Variants in NOL10 observed in about 807,000 individuals in gnomAD.
NOL10 encodes H_NH0074G24.1.
A neutral mutation model predicts 103.5 loss-of-function variants in NOL10; 58 were observed. That is an observed-to-expected ratio of 0.56 (90% CI 0.45 to 0.70). The LOEUF (loss-of-function observed/expected upper bound fraction) is 0.70, where lower values mean the gene tolerates loss of function less well. NOL10 is among the 30% of genes least tolerant of loss of function. NOL10 has a pLI of 0.00. For synonymous variants in NOL10, 287 were observed against 282.5 expected (o/e 1.02, Z -0.16); for missense variants, 763 against 807.3 (o/e 0.95, Z 0.67).
chr2:10,648,847 GAAGAA>G (rs1329188356), intron 12 of NOL10, among the ~76,000 whole-genome samples: 2 of 152,010 alleles, frequency 1.3e-5, no homozygotes, highest in Non-Finnish European at 2.9e-5. Flanking sequence ...ACGTCATGGA[GAAGAA>G]AAGAAAAAGA....
At chr2:10,662,038 T>C (rs1680244410) in intron 9 of NOL10, among the ~76,000 whole-genome samples, 1 of 152,174 alleles carries the variant, frequency 6.6e-6, no homozygotes, top group Admixed American at 6.5e-5. Context: ...GGCTCGCTTT[T>C]CCACTGACAG....
chr2:10,623,362 G>A (rs1443256096), intron 13 of NOL10, among the ~76,000 whole-genome samples: 1 of 152,104 alleles, frequency 6.6e-6, no homozygotes, highest in African/African-American at 2.4e-5. Flanking sequence ...GGGCTCGTGG[G>A]TCTTACTTCA....
At chr2:10,672,910 T>G (rs181598815) in intron 5 of NOL10, among the ~76,000 whole-genome samples, 101 of 152,196 alleles carry the variant, frequency 6.6e-4, no homozygotes, top group African/African-American at 2.3e-3. Context: ...GGAGAATCAC[T>G]TGAACTCGGG....
At chr2:10,603,949 C>T (rs1349694025) in intron 14 of NOL10, among the ~76,000 whole-genome samples, 1 of 152,206 alleles carries the variant, frequency 6.6e-6, no homozygotes, top group East Asian at 1.9e-4. Flanking sequence ...GGTCCCCAAC[C>T]TTTTTGGCAC....
chr2:10,587,158 C>CAT lies in NOL10; in HGVS notation c.1844+1884_1844+1885insAT, dbSNP rs1416086112. ...ATATACACATATATATACATATATA[C>CAT]ACATATATACACATATATATACACA... is the stretch of plus-strand genomic sequence containing the variant. On this transcript the variant is annotated intron_variant, in intron 19 of 20. Transcript: ENST00000381685. 9.0e-5 allele frequency among the ~76,000 whole-genome samples: 3 copies of CAT among 33,206 alleles called. 1 individual carries two copies. The highest frequency in any genetic ancestry group is 8.3e-4 in the Admixed American group (2 of 2,414). 21.8% of individuals were successfully genotyped at this position (33,206 alleles called of 152,430 possible). A position where few individuals can be genotyped will look rare whatever the true frequency, so the allele number is the denominator to read the frequency against.
intron 16 of NOL10, 70 bp from the exon 17 acceptor site, chr2:10,601,012 G>A: frequency 3.3e-6 from 3 of 915,102 alleles, no homozygotes; most frequent in Admixed American, 2.5e-5. Flanking sequence ...TTAGCTTAAA[G>A]GTAAACAGTT....
chr2:10,660,886 G>C (rs1680153981), intron 9 of NOL10, among the ~76,000 whole-genome samples: 1 of 149,698 alleles, frequency 6.7e-6, no homozygotes, highest in Non-Finnish European at 1.5e-5. Context: ...TCCACTAGAA[G>C]TGACAGCTTA....
intron 13 of NOL10, among the ~76,000 whole-genome samples, chr2:10,632,999 A>T (rs1677941955): frequency 6.6e-6 from 1 of 152,024 alleles, no homozygotes; most frequent in African/African-American, 2.4e-5. Flanking sequence ...TATTTATTTC[A>T]TCTCTATATG....
rs895113146 is a variant in NOL10 at position 10,571,463 on chromosome 2, A to G, written c.*608T>C. The stretch of plus-strand genomic sequence containing the variant: ...TTTATAGCAGTGCAAGAACAGATAA[A>G]TACAGTGCTCAAACAGTTTTAGATT... On this transcript the variant is annotated 3_prime_UTR_variant, in exon 21 of 21. Coordinates refer to ENST00000381685, the MANE Select transcript of NOL10 (RefSeq NM_024894.4). The G allele has an allele frequency of 1.3e-5, 2 of 152,388 alleles. No individual in the cohort carries two copies. Among genetic ancestry groups the G allele is most frequent in the African/African-American group, 4.8e-5 (2 of 41,452 alleles). The allele number at this position is 152,388 out of a possible 1,614,324, so 9.4% of individuals were successfully genotyped here.
intron 13 of NOL10, among the ~76,000 whole-genome samples, chr2:10,635,809 C>T (rs1678172585): frequency 6.6e-6 from 1 of 152,204 alleles, no homozygotes; most frequent in African/African-American, 2.4e-5. Context: ...TGGTCTCCTA[C>T]ATTTACTTTT....
intron 19 of NOL10, among the ~76,000 whole-genome samples, chr2:10,586,999 G>C (rs1205965427): frequency 1.4e-5 from 2 of 143,924 alleles, no homozygotes; most frequent in Admixed American, 7.1e-5. Flanking sequence ...GTATGTGTTA[G>C]GTCTAGACTT....
chr2:10,591,376 TG>T (rs1019023253), intron 17 of NOL10, among the ~76,000 whole-genome samples: 3 of 151,946 alleles, frequency 2.0e-5, no homozygotes, highest in African/African-American at 7.3e-5. Flanking sequence ...GGAGGGGCCC[TG>T]GGGGGTGCAG....
At chr2:10,635,504 A>C (rs1052207428) in intron 13 of NOL10, among the ~76,000 whole-genome samples, 1 of 152,236 alleles carries the variant, frequency 6.6e-6, no homozygotes, top group Non-Finnish European at 1.5e-5. Context: ...TTACAAATCT[A>C]TATATAATAT....
chr2:10,642,610 G>A (rs1266846983), intron 13 of NOL10, among the ~76,000 whole-genome samples: 4 of 151,718 alleles, frequency 2.6e-5, no homozygotes, highest in East Asian at 1.9e-4. Context: ...ACTTGCTCCC[G>A]CAGCTCTGCA....
At chr2:10,606,227 T>C (rs1676249196) in intron 14 of NOL10, among the ~76,000 whole-genome samples, 1 of 5,708 alleles carries the variant, frequency 1.8e-4, no homozygotes, top group South Asian at 1.2e-3. Flanking sequence ...TACATTTATC[T>C]TTTTTTTTTT....
chr2:10,650,306 G>GTGAGC (rs1679373928), intron 12 of NOL10, among the ~76,000 whole-genome samples: 11 of 151,544 alleles, frequency 7.3e-5, no homozygotes, highest in African/African-American at 1.7e-4. Flanking sequence ...GACTACAGGC[G>GTGAGC]CACAGTGCCA....
Position 10,644,389 on chromosome 2 carries a change from T to C in NOL10, c.974-17A>G, listed in dbSNP as rs375659964. 5.9e-6 allele frequency: 9 copies of C among 1,525,234 alleles called. No individual in the cohort carries two copies. Among genetic ancestry groups the C allele is most frequent in the East Asian group, 2.5e-5 (1 of 39,288 alleles). 94.5% of individuals were successfully genotyped at this position (1,525,234 alleles called of 1,614,324 possible). The stretch of plus-strand genomic sequence containing the variant: ...GAAGCATGCCTAAAAATAAATACAA[T>C]GAAAAAGGTCAATGCATAGGAAAAA... On this transcript the variant is annotated splice_polypyrimidine_tract_variant and intron_variant, in intron 12 of 20. Transcript: ENST00000381685.
At chr2:10,658,498 C>T (rs979193419) in intron 10 of NOL10, among the ~76,000 whole-genome samples, 1 of 152,108 alleles carries the variant, frequency 6.6e-6, no homozygotes, top group African/African-American at 2.4e-5. Flanking sequence ...GAAAGAAGTA[C>T]TCCTCAGACT....
chr2:10,684,506 G>A (rs1464185991), intron 2 of NOL10, 61 bp downstream of exon 2: 5 of 1,284,496 alleles, frequency 3.9e-6, no homozygotes, highest in African/African-American at 3.0e-5. Context: ...AACAGCAAAT[G>A]AGTAAAAGCA....
Sources: gnomAD v4.1 joint callset for allele counts (sites outside exome capture counted in the v4.1 genomes callset) on GRCh38, gnomAD v4.1.1 for gene constraint, MANE v1.5 for transcripts, NCBI Gene and HGNC (gene_info 2026-07-23, HGNC 2026-07-21) for gene names.